FAM149A: variants seen among roughly 807,000 people sequenced by gnomAD.
FAM149A encodes family with sequence similarity 149 member A.
A neutral mutation model predicts 78.2 loss-of-function variants in FAM149A; 71 were observed. That is an observed-to-expected ratio of 0.91 (90% CI 0.75 to 1.11). The LOEUF (loss-of-function observed/expected upper bound fraction) is 1.11, where lower values mean the gene tolerates loss of function less well. Among genes scored for constraint, FAM149A ranks in the 50% least tolerant of loss-of-function variants. The pLI, the probability that FAM149A is intolerant of heterozygous loss-of-function variation, is 0.00. For synonymous variants in FAM149A, 446 were observed against 410.5 expected (o/e 1.09, Z -1.04); for missense variants, 1,036 against 971.0 (o/e 1.07, Z -0.89).
chr4:186,146,244 G>A (rs1733024207), intron 1 of FAM149A, among the ~76,000 whole-genome samples: 1 of 152,150 alleles, frequency 6.6e-6, no homozygotes, highest in Non-Finnish European at 1.5e-5. Flanking sequence ...TGAAGCTCAA[G>A]AAATTGCTTA....
intron 1 of FAM149A, among the ~76,000 whole-genome samples, chr4:186,124,429 A>G (rs1386044844): frequency 6.7e-6 from 1 of 149,206 alleles, no homozygotes; most frequent in Non-Finnish European, 1.5e-5. Context: ...CCACCCCACA[A>G]CAGGCCCCGG....
intron 1 of FAM149A, among the ~76,000 whole-genome samples, chr4:186,111,802 T>G (rs2099311408): frequency 6.6e-6 from 1 of 151,334 alleles, no homozygotes; most frequent in Admixed American, 6.6e-5. Context: ...ACTGTAGCCT[T>G]GTAGTATAGT....
intron 1 of FAM149A, among the ~76,000 whole-genome samples, chr4:186,106,817 C>T (rs191580720): frequency 9.2e-5 from 14 of 152,052 alleles, no homozygotes; most frequent in East Asian, 3.9e-4. Context: ...CGTGGTGGTA[C>T]GTGCCTGTAG....
intron 1 of FAM149A, among the ~76,000 whole-genome samples, chr4:186,138,007 G>T (rs568155805): frequency 6.6e-6 from 1 of 152,126 alleles, no homozygotes; most frequent in Non-Finnish European, 1.5e-5. Flanking sequence ...TTACCAACTT[G>T]TAAAATATAT....
chr4:186,109,376 C>T (rs1178414879), intron 1 of FAM149A: 2 of 715,742 alleles, frequency 2.8e-6, no homozygotes, highest in Non-Finnish European at 3.4e-6. Context: ...ATTGCAGTGG[C>T]TGCTTGAAGG....
intron 1 of FAM149A, among the ~76,000 whole-genome samples, chr4:186,111,347 C>T (rs1242607341): frequency 2.0e-5 from 3 of 151,814 alleles, no homozygotes; most frequent in East Asian, 1.9e-4. Flanking sequence ...TTGTAGGTTG[C>T]CTGTTCACTC....
chr4:186,164,071 C>T lies in FAM149A; in HGVS notation c.1889+438C>T, dbSNP rs1734819444. Among the ~76,000 whole-genome samples the T allele has an allele frequency of 1.3e-5, 2 of 152,190 alleles. No homozygotes were observed. Among genetic ancestry groups the T allele is most frequent in the Admixed American group, 1.3e-4 (2 of 15,282 alleles). On this transcript the variant is annotated intron_variant, in intron 10 of 13. Coordinates refer to ENST00000389354, the MANE Select transcript of FAM149A (RefSeq NM_001367768.3). This position sits in a 1 kb window ranked among gnomAD's most constrained non-coding sequence, Gnocchi z 4.0. The stretch of plus-strand genomic sequence containing the variant: ...TCTCTATGTGGGAGTTTCAGCAAAG[C>T]TGTTGATTGCAGGATTCACATCCCG...
At chr4:186,163,936 T>A (rs909696407) in intron 10 of FAM149A, among the ~76,000 whole-genome samples, 4 of 152,186 alleles carry the variant, frequency 2.6e-5, no homozygotes, top group African/African-American at 4.8e-5. Context: ...TGCCTTTCAA[T>A]TACATAATTA....
chr4:186,168,875 T>G (rs959774841), intron 13 of FAM149A, among the ~76,000 whole-genome samples: 2 of 152,178 alleles, frequency 1.3e-5, no homozygotes, highest in Admixed American at 6.5e-5. Flanking sequence ...CAGCACCACC[T>G]GGATCCCCTG....
rs772103331 is a variant in FAM149A, at chr4:186,167,128, T to G, written c.2139+32T>G. On this transcript the variant is annotated intron_variant, in intron 12 of 13. Transcript: ENST00000389354. ...TCTCTGTTTCCTGTAACTTTAATTT[T>G]GAAAAACATTTGAAAAAAATGAAAC... is the stretch of plus-strand genomic sequence containing the variant. 20 of 1,602,470 alleles carry G rather than the reference T, an allele frequency of 1.2e-5. No homozygotes were observed. In the South Asian group the frequency reaches 2.2e-4, roughly 18 times the overall value.
intron 1 of FAM149A, chr4:186,132,203 T>C: frequency 1.0e-6 from 1 of 985,446 alleles, no homozygotes; most frequent in South Asian, 4.7e-5. Context: ...AAGACCTGTT[T>C]TCTATATCTG....
intron 10 of FAM149A, 48 bp downstream of exon 10, chr4:186,163,681 G>A (rs1315775636): frequency 7.2e-7 from 1 of 1,391,298 alleles, no homozygotes; most frequent in Non-Finnish European, 1.0e-6. Context: ...GGAGGACCTA[G>A]ATGCTTCTCA....
Position 186,148,105 on chromosome 4 carries a change from T to G in FAM149A, c.567-1068T>G, listed in dbSNP as rs573436428. Among the ~76,000 whole-genome samples the G allele has an allele frequency of 2.0e-5, 3 of 152,292 alleles. No homozygotes were observed. In the South Asian group the frequency reaches 6.2e-4, roughly 32 times the overall value. On this transcript the variant is annotated intron_variant, in intron 1 of 13. Coordinates refer to ENST00000389354, the MANE Select transcript of FAM149A (RefSeq NM_001367768.3). ...ACTTTGGGAGGCCGAAGCGGGTAGA[T>G]CACTTGAGGTTAGGAGTTCGAGACC... is the stretch of plus-strand genomic sequence containing the variant.
At chr4:186,110,157 T>C in intron 1 of FAM149A, 2 of 985,428 alleles carry the variant, frequency 2.0e-6, no homozygotes. Context: ...CAAATATTTA[T>C]TGAATGGATG....
rs1017385399 is a variant in FAM149A, at chr4:186,169,382, C to T, written c.2218+2120C>T. The T allele has an allele frequency of 4.7e-5, 46 of 985,280 alleles. No individual in the cohort carries two copies. The South Asian group carries it at 5.2e-4, about 11-fold the overall frequency. The allele number at this position is 985,280 out of a possible 1,614,324, so 61.0% of individuals were successfully genotyped here. On this transcript the variant is annotated intron_variant, in intron 13 of 13. Coordinates refer to ENST00000389354, the MANE Select transcript of FAM149A (RefSeq NM_001367768.3). Reference sequence around the variant, plus strand: ...GACCTGTGATGTTGGTGCAATGAGGCGCGTGCCCCATGCAGACGTCCCCAG... The same window carrying T: ...GACCTGTGATGTTGGTGCAATGAGGTGCGTGCCCCATGCAGACGTCCCCAG...
At position 186,149,031 on chromosome 4, in the gene FAM149A, T is replaced by C. The variant is rs11936811; in HGVS notation, c.567-142T>C. The C allele has an allele frequency of 3.6e-3, 1,238 of 339,784 alleles. 5 individuals carry two copies. The highest frequency in any genetic ancestry group is 0.018 in the African/African-American group (806 of 44,018). The allele number at this position is 339,784 out of a possible 1,614,324, so 21.0% of individuals were successfully genotyped here. On this transcript the variant is annotated intron_variant, in intron 1 of 13. Transcript: ENST00000389354. Reference sequence around the variant, plus strand: ...GTGTGTGTGTGTGTGTGTGTGTGTGTGCGCTCATGCACAGGTGGGTTTGGA... The same window carrying C: ...GTGTGTGTGTGTGTGTGTGTGTGTGCGCGCTCATGCACAGGTGGGTTTGGA...
chr4:186,109,676 T>C (rs1210446677), intron 1 of FAM149A: 10 of 983,784 alleles, frequency 1.0e-5, no homozygotes, highest in African/African-American at 1.7e-5. Context: ...AAAAGTGTTA[T>C]CTATGATTAC....
chr4:186,116,804 A>G, intron 1 of FAM149A: 1 of 977,450 alleles, frequency 1.0e-6, no homozygotes, highest in Non-Finnish European at 1.2e-6. Flanking sequence ...TTTAAAGAAC[A>G]CATGTTGAGT....
At position 186,144,460 on chromosome 4, in the gene FAM149A, T is replaced by G. The variant is rs144408866; in HGVS notation, c.567-4713T>G. 827 of 152,510 alleles carry G rather than the reference T, an allele frequency of 5.4e-3. 7 individuals carry two copies. The highest frequency in any genetic ancestry group is 0.027 in the Middle Eastern group (8 of 298). The allele number at this position is 152,510 out of a possible 1,614,324, so 9.4% of individuals were successfully genotyped here. The stretch of plus-strand genomic sequence containing the variant: ...GGCTTCATTTTTTAAACCTCATTCG[T>G]CCACTCCCCACCCCAGCCTGGTGTG... On this transcript the variant is annotated intron_variant, in intron 1 of 13. Transcript: ENST00000389354. This position sits in a 1 kb window ranked among gnomAD's most constrained non-coding sequence, Gnocchi z 4.2.
Sources: gnomAD v4.1 joint callset for allele counts (sites outside exome capture counted in the v4.1 genomes callset) on GRCh38, gnomAD v4.1.1 for gene constraint, Gnocchi (gnomAD v3.1) non-coding constraint, MANE v1.5 for transcripts, NCBI Gene and HGNC (gene_info 2026-07-23, HGNC 2026-07-21) for gene names.